Variants in SUSD5 observed in about 807,000 individuals in gnomAD.
SUSD5 encodes the protein sushi domain containing 5.
A neutral mutation model predicts 29.5 loss-of-function variants in SUSD5; 33 were observed. The observed-to-expected ratio is 1.12, with a 90% confidence interval of 0.85 to 1.49. The LOEUF (loss-of-function observed/expected upper bound fraction) is 1.49. SUSD5 is among the 40% of genes most tolerant of loss of function. The pLI, the probability that SUSD5 is intolerant of heterozygous loss-of-function variation, is 0.00. For synonymous variants in SUSD5, 308 were observed against 325.3 expected (o/e 0.95, Z 0.57); for missense variants, 776 against 800.6 (o/e 0.97, Z 0.37).
At chr3:33,178,730 G>A (rs118059273) in intron 3 of SUSD5, among the ~76,000 whole-genome samples, 2,050 of 152,260 alleles carry the variant, frequency 0.013, 39 homozygotes, top group East Asian at 0.084. Context: ...GAGCCACCGC[G>A]CCTGGCCCGG....
At chr3:33,182,044 A>G (rs542020655) in intron 3 of SUSD5, among the ~76,000 whole-genome samples, 1 of 152,112 alleles carries the variant, frequency 6.6e-6, no homozygotes, top group African/African-American at 2.4e-5. Flanking sequence ...TTGATTTTAG[A>G]TCTTTCTTTT....
intron 3 of SUSD5, among the ~76,000 whole-genome samples, chr3:33,193,979 G>A (rs1360903370): frequency 6.6e-6 from 1 of 152,200 alleles, no homozygotes; most frequent in African/African-American, 2.4e-5. Context: ...GCGGCCAGAG[G>A]CCTCAAGGTT....
intron 3 of SUSD5, among the ~76,000 whole-genome samples, chr3:33,184,236 G>A (rs145059997): frequency 2.6e-4 from 39 of 152,068 alleles, no homozygotes; most frequent in South Asian, 8.3e-4. Flanking sequence ...CACCACACCC[G>A]GCCTTACACT....
At position 33,152,456 on chromosome 3, in the gene SUSD5, C is replaced by T. The variant is rs567991161; in HGVS notation, c.*286G>A. Reference sequence around the variant, plus strand: ...GATAATACTGTGATGAAGGAAGAGGCGATTTTTGACCTCACACTGGAAACA... The same window carrying T: ...GATAATACTGTGATGAAGGAAGAGGTGATTTTTGACCTCACACTGGAAACA... On this transcript the variant is annotated 3_prime_UTR_variant, in exon 5 of 5. Transcript: ENST00000309558. 2.4e-5 allele frequency: 9 copies of T among 381,234 alleles called. No individual in the cohort carries two copies. Among genetic ancestry groups the T allele is most frequent in the East Asian group, 4.4e-5 (1 of 22,516 alleles). 23.6% of individuals were successfully genotyped at this position (381,234 alleles called of 1,614,324 possible).
chr3:33,189,917 T>A (rs6797944), intron 3 of SUSD5, among the ~76,000 whole-genome samples: 4,654 of 152,222 alleles, frequency 0.031, 237 homozygotes, highest in African/African-American at 0.11. Flanking sequence ...ATAAAACCAA[T>A]CTCCAATAGA....
At chr3:33,180,833 TTGCCTC>T in intron 3 of SUSD5, among the ~76,000 whole-genome samples, 1 of 149,376 alleles carries the variant, frequency 6.7e-6, no homozygotes. Context: ...GAGCAAGACT[TTGCCTC>T]AAAAAAAAAA....
At chr3:33,202,617 A>G (rs558225320) in intron 3 of SUSD5, among the ~76,000 whole-genome samples, 1 of 152,276 alleles carries the variant, frequency 6.6e-6, no homozygotes, top group South Asian at 2.1e-4. Context: ...GGTCAGAGGA[A>G]AATCAAAGCC....
intron 1 of SUSD5, among the ~76,000 whole-genome samples, chr3:33,218,322 T>C (rs77763849): frequency 0.039 from 5,891 of 152,150 alleles, 356 homozygotes; most frequent in African/African-American, 0.13. Flanking sequence ...TTAATAGACG[T>C]TGAGAAACTG....
chr3:33,175,242 A>G (rs4465894), intron 3 of SUSD5, among the ~76,000 whole-genome samples, 168 bp from the exon 4 acceptor site: 27,869 of 152,106 alleles, frequency 0.18, 2,684 homozygotes, highest in South Asian at 0.29. Flanking sequence ...CTGGCAGAAT[A>G]CCTGGAATAG....
At chr3:33,180,296 C>A (rs1321180793) in intron 3 of SUSD5, among the ~76,000 whole-genome samples, 1 of 152,146 alleles carries the variant, frequency 6.6e-6, no homozygotes, top group Non-Finnish European at 1.5e-5. Context: ...GTGATCCTAA[C>A]CCTGTGTAAG....
chr3:33,200,113 T>C (rs951936437), intron 3 of SUSD5, among the ~76,000 whole-genome samples: 6 of 152,194 alleles, frequency 3.9e-5, no homozygotes, highest in African/African-American at 9.6e-5. Flanking sequence ...AGAAACTTCA[T>C]TGAATGGGAC....
chr3:33,213,534 G>C (rs112364659), intron 2 of SUSD5, among the ~76,000 whole-genome samples: 2,551 of 152,306 alleles, frequency 0.017, 77 homozygotes, highest in African/African-American at 0.058. Flanking sequence ...TACACTCTGG[G>C]AGGCCGAGGC....
intron 3 of SUSD5, among the ~76,000 whole-genome samples, chr3:33,193,212 GTTT>G (rs1368676042): frequency 6.6e-6 from 1 of 152,162 alleles, no homozygotes. Context: ...CCACTAAGGA[GTTT>G]AACACAGAAA....
In SUSD5 at chr3:33,153,153, G is replaced by A. The variant is rs777614754; in HGVS notation, c.1479C>T (p.Ser493=). The A allele has an allele frequency of 1.2e-6, 2 of 1,613,842 alleles. No individual in the cohort carries two copies. Among genetic ancestry groups the A allele is most frequent in the Non-Finnish European group, 1.7e-6 (2 of 1,179,850 alleles). Reference sequence around the variant, plus strand: ...TGTTCACTGTTAATATCTCCAGGGTGGAGCTGGTGAGCTCATAGGACAGGG... The same window carrying A: ...TGTTCACTGTTAATATCTCCAGGGTAGAGCTGGTGAGCTCATAGGACAGGG... ...MATLSYELTS[S]TLEILTVNTV... is the part of the protein sequence containing the mutation. Residue 493 remains serine (S), a synonymous_variant, in exon 5 of 5, where the codon TCC becomes TCT. Coordinates refer to ENST00000309558, the MANE Select transcript of SUSD5 (RefSeq NM_015551.2).
In SUSD5 at chr3:33,152,374, C is replaced by T. The variant is rs142133446; in HGVS notation, c.*368G>A. On this transcript the variant is annotated 3_prime_UTR_variant, in exon 5 of 5. Coordinates refer to ENST00000309558, the MANE Select transcript of SUSD5 (RefSeq NM_015551.2). ...GGCAGAGGTTGCAGTGAGCTCAGAT[C>T]GGGACACTGCACTCCAGCCTGGGCA... is the stretch of plus-strand genomic sequence containing the variant. 550 of 183,950 alleles carry T rather than the reference C, an allele frequency of 3.0e-3. 4 individuals carry two copies. The highest frequency in any genetic ancestry group is 0.012 in the African/African-American group (516 of 42,232). The allele number at this position is 183,950 out of a possible 1,614,324, so 11.4% of individuals were successfully genotyped here. A position where few individuals can be genotyped will look rare whatever the true frequency, so the allele number is the denominator to read the frequency against.
intron 3 of SUSD5, among the ~76,000 whole-genome samples, chr3:33,175,541 A>G (rs2031532786): frequency 6.6e-6 from 1 of 151,528 alleles, no homozygotes. Flanking sequence ...TGGTATACAC[A>G]AAAATTACAC....
At chr3:33,202,336 C>T (rs2032136864) in intron 3 of SUSD5, among the ~76,000 whole-genome samples, 1 of 152,182 alleles carries the variant, frequency 6.6e-6, no homozygotes. Flanking sequence ...AGGCCTTCTC[C>T]AGGCAGCCCT....
chr3:33,209,134 A>G (rs1238572139), intron 2 of SUSD5, among the ~76,000 whole-genome samples: 2 of 152,218 alleles, frequency 1.3e-5, no homozygotes, highest in East Asian at 1.9e-4. Flanking sequence ...CAAAATATCA[A>G]AAGTCTTTGG....
At chr3:33,195,057 T>G (rs2031968594) in intron 3 of SUSD5, among the ~76,000 whole-genome samples, 1 of 152,090 alleles carries the variant, frequency 6.6e-6, no homozygotes. Flanking sequence ...TAGCTGGGCC[T>G]GGTGGTGCAC....
Sources: gnomAD v4.1 joint callset for allele counts (sites outside exome capture counted in the v4.1 genomes callset) on GRCh38, gnomAD v4.1.1 for gene constraint, MANE v1.5 for transcripts, NCBI Gene and HGNC (gene_info 2026-07-23, HGNC 2026-07-21) for gene names.